Variants in BPIFC observed in about 807,000 individuals in gnomAD.
BPIFC encodes BPI fold-containing family C protein.
A neutral mutation model predicts 57.6 loss-of-function variants in BPIFC; 60 were observed. The observed-to-expected ratio is 1.04, with a 90% CI of 0.85 to 1.29. BPIFC has a LOEUF of 1.29. Ranked by LOEUF, BPIFC falls within the 50% of genes most tolerant of loss-of-function variation. BPIFC has a pLI of 0.00. For synonymous variants in BPIFC, 243 were observed against 224.5 expected, an observed-to-expected ratio of 1.08 and a Z score of -0.74; for missense variants, 581 against 600.5, an observed-to-expected ratio of 0.97 and a Z score of 0.34.
chr22:32,452,705 G>A (rs1426326641), intron 4 of BPIFC, among the ~76,000 whole-genome samples: 1 of 152,036 alleles, frequency 6.6e-6, no homozygotes. Flanking sequence ...TGACAGCAGG[G>A]GAATGATCAC....
chr22:32,436,475 GGAAGAA>G (rs375063707), intron 9 of BPIFC, among the ~76,000 whole-genome samples: 5 of 151,440 alleles, frequency 3.3e-5, no homozygotes, highest in African/African-American at 1.2e-4. Flanking sequence ...AAAAAGAAGA[GGAAGAA>G]GAAGAAGAAG....
chr22:32,452,910 C>G (rs1338605762), intron 4 of BPIFC, among the ~76,000 whole-genome samples: 1 of 152,202 alleles, frequency 6.6e-6, no homozygotes, highest in Non-Finnish European at 1.5e-5. Flanking sequence ...GAGACTATGG[C>G]AGAGATTGTC....
chr22:32,441,611 A>G (rs551174756), intron 8 of BPIFC, among the ~76,000 whole-genome samples: 28 of 152,266 alleles, frequency 1.8e-4, no homozygotes, highest in Non-Finnish European at 3.2e-4. Flanking sequence ...GTTTCCTGGA[A>G]GAGGCTATGT....
At chr22:32,433,805 G>A (rs1417379487) in intron 10 of BPIFC, 33 bp from the exon 11 acceptor site, 55 of 1,574,178 alleles carry the variant, frequency 3.5e-5, no homozygotes, top group Non-Finnish European at 4.5e-5. Context: ...TCACTGTTAG[G>A]ATTTTACGTG....
intron 13 of BPIFC, among the ~76,000 whole-genome samples, chr22:32,424,631 T>C (rs867720414): frequency 0.022 from 894 of 41,020 alleles, 33 homozygotes; most frequent in Middle Eastern, 0.031. Flanking sequence ...CCTCCTCCTC[T>C]TCTTCTTCTT....
intron 13 of BPIFC, among the ~76,000 whole-genome samples, chr22:32,424,602 TCCTCCTCCTCCTCCTCCTCCTCCTCC>T (rs771433806): frequency 0.024 from 1,505 of 63,526 alleles, 92 homozygotes; most frequent in African/African-American, 0.04. Flanking sequence ...CTTCTTCTTC[TCCTCCTCCTCCTCCTCCTCCTCCTCC>T]TCTTCTTCTT....
chr22:32,432,532 G>GAT lies in BPIFC; in HGVS notation c.988_989dup (p.Tyr331SerfsTer10). 6.2e-7 allele frequency: 1 copy of GAT among 1,614,020 alleles called. No individual in the cohort carries two copies. The highest frequency in any genetic ancestry group is 8.5e-7 in the Non-Finnish European group (1 of 1,179,936). ...CCATGAAGGGCTGGGACAAGATGTA[G>GAT]ATCTCTGCAATCTGCCCACATTCCG... is the stretch of plus-strand genomic sequence containing the variant. On this transcript the variant is annotated frameshift_variant, in exon 12 of 17. Transcript: ENST00000300399. LOFTEE classifies it high-confidence loss of function.
chr22:32,447,667 G>T (rs1934768302), intron 4 of BPIFC, among the ~76,000 whole-genome samples: 1 of 146,640 alleles, frequency 6.8e-6, no homozygotes, highest in Non-Finnish European at 1.5e-5. Context: ...GTGCAGTGGT[G>T]TGATCATAGC....
At chr22:32,432,015 C>T (rs562906643) in intron 12 of BPIFC, among the ~76,000 whole-genome samples, 1 of 152,026 alleles carries the variant, frequency 6.6e-6, no homozygotes, top group African/African-American at 2.4e-5. Context: ...CTCACTGTAG[C>T]CTCAAACTCC....
At chr22:32,436,346 A>AGAG (rs1216074561) in intron 9 of BPIFC, among the ~76,000 whole-genome samples, 124 of 92,760 alleles carry the variant, frequency 1.3e-3, no homozygotes, top group East Asian at 4.0e-3. Context: ...AAGAAGAGGA[A>AGAG]GAGGAGGAGG....
At position 32,447,307 on chromosome 22, in the gene BPIFC, G is replaced by A. The variant is rs749506833; in HGVS notation, c.279C>T (p.Thr93=). 8 of 1,613,900 alleles carry A rather than the reference G, an allele frequency of 5.0e-6. No individual in the cohort carries two copies. The highest frequency in any genetic ancestry group is 6.8e-6 in the Non-Finnish European group (8 of 1,179,964). The change falls in exon 5 of 17, where the codon ACC becomes ACT. Residue 93 remains threonine, a synonymous_variant. Coordinates refer to ENST00000300399, the MANE Select transcript of BPIFC (RefSeq NM_174932.3). ...IKISAFSFPN[T]SLAFVPGVGI... ...CCACTCCAGGCACAAAAGCCAATGA[G>A]GTATTTGGAAATGAAAAGGCACTGA...
At chr22:32,459,140 A>G (rs1935105373) in intron 2 of BPIFC, among the ~76,000 whole-genome samples, 2 of 152,206 alleles carry the variant, frequency 1.3e-5, no homozygotes, top group South Asian at 4.1e-4. Flanking sequence ...TACACATGCA[A>G]AAGACTCACA....
intron 4 of BPIFC, among the ~76,000 whole-genome samples, chr22:32,450,889 C>T (rs1410452035): frequency 1.3e-5 from 2 of 152,082 alleles, no homozygotes; most frequent in Non-Finnish European, 2.9e-5. Flanking sequence ...GGATACTCAA[C>T]CTGTATTTAG....
intron 13 of BPIFC, among the ~76,000 whole-genome samples, chr22:32,429,245 C>A (rs1216142065): frequency 6.6e-6 from 1 of 150,696 alleles, no homozygotes; most frequent in African/African-American, 2.4e-5. Context: ...CTCGCTCTGT[C>A]CCCCAGGCTG....
intron 13 of BPIFC, among the ~76,000 whole-genome samples, chr22:32,421,737 A>C (rs1933852377): frequency 6.6e-6 from 1 of 152,236 alleles, no homozygotes; most frequent in African/African-American, 2.4e-5. Flanking sequence ...ACTAGACACA[A>C]CCACTGTTCT....
chr22:32,422,638 G>A lies in BPIFC; in HGVS notation c.1218-3234C>T, dbSNP rs1028641809. ...CAGGAGAATTGCTTAAAACTGGGAG[G>A]CAGGGGTTGCAGTGAGCCAAGATCA... On this transcript the variant is annotated intron_variant, in intron 13 of 16. Transcript: ENST00000300399. Among the ~76,000 whole-genome samples the A allele has an allele frequency of 1.1e-4, 16 of 152,094 alleles. 1 individual carries two copies. The highest frequency in any genetic ancestry group is 9.8e-4 in the Admixed American group (15 of 15,262).
intron 13 of BPIFC, among the ~76,000 whole-genome samples, chr22:32,420,779 A>T (rs1933826317): frequency 6.6e-6 from 1 of 152,252 alleles, no homozygotes; most frequent in African/African-American, 2.4e-5. Context: ...TGATCTGATC[A>T]CTATACATTG....
At chr22:32,446,649 A>T (rs1358220329) in intron 5 of BPIFC, 16 of 634,498 alleles carry the variant, frequency 2.5e-5, no homozygotes, top group Non-Finnish European at 3.1e-5. Flanking sequence ...TGAATGTGTT[A>T]TCCTGTGGCA....
At chr22:32,435,277 A>C (rs1433327539) in intron 10 of BPIFC, among the ~76,000 whole-genome samples, 1 of 152,148 alleles carries the variant, frequency 6.6e-6, no homozygotes, top group Non-Finnish European at 1.5e-5. Context: ...CAGAACTGGA[A>C]ACTTGACAAC....
Sources: allele counts gnomAD v4.1 joint callset (sites outside exome capture counted in the v4.1 genomes callset), GRCh38; gene constraint gnomAD v4.1.1; transcripts MANE v1.5; gene names NCBI Gene and HGNC (gene_info 2026-07-23, HGNC 2026-07-21).